Variants in MALRD1 observed in about 807,000 individuals in gnomAD.
MALRD1 encodes the protein MAM and LDL-receptor class A domain-containing protein 1.
A neutral mutation model predicts 242.1 loss-of-function variants in MALRD1; 247 were observed. That is an observed-to-expected ratio of 1.02 (90% confidence interval 0.92 to 1.13). The LOEUF (loss-of-function observed/expected upper bound fraction) is 1.13. Among genes scored for constraint, MALRD1 ranks in the 50% most tolerant of loss-of-function variants. The pLI, the probability that MALRD1 is intolerant of heterozygous loss-of-function variation, is 0.00. For synonymous variants in MALRD1, 995 were observed against 866.6 expected, an observed-to-expected ratio of 1.15 and a Z score of -2.60; for missense variants, 2,989 against 2,533.1, an observed-to-expected ratio of 1.18 and a Z score of -3.86.
intron 21 of MALRD1, among the ~76,000 whole-genome samples, chr10:19,289,862 C>A (rs1486627445): frequency 1.3e-5 from 2 of 152,076 alleles, no homozygotes; most frequent in African/African-American, 4.8e-5. Context: ...AATTGGAAGG[C>A]TTTCTGTCAA....
intron 13 of MALRD1, among the ~76,000 whole-genome samples, chr10:19,172,673 T>TC (rs1835064279): frequency 6.6e-6 from 1 of 151,586 alleles, no homozygotes; most frequent in African/African-American, 2.4e-5. Context: ...TCGTTTTTTT[T>TC]CCTCCAGTTT....
At chr10:19,551,355 A>C (rs1835461352) in intron 32 of MALRD1, among the ~76,000 whole-genome samples, 1 of 151,814 alleles carries the variant, frequency 6.6e-6, no homozygotes, top group Non-Finnish European at 1.5e-5. Flanking sequence ...TATTTTATTC[A>C]TTTGTTGCTA....
intron 36 of MALRD1, among the ~76,000 whole-genome samples, chr10:19,624,068 C>T (rs765416564): frequency 7.9e-5 from 12 of 152,098 alleles, no homozygotes; most frequent in African/African-American, 1.2e-4. Context: ...ATTGCTAATG[C>T]GAATTGGTGT....
At chr10:19,472,132 A>G (rs1349725583) in intron 29 of MALRD1, among the ~76,000 whole-genome samples, 1 of 152,034 alleles carries the variant, frequency 6.6e-6, no homozygotes, top group Admixed American at 6.5e-5. Flanking sequence ...AATTTGTCAA[A>G]TGCTTTTTCT....
intron 32 of MALRD1, 120 bp from the exon 33 acceptor site, chr10:19,567,382 C>A: frequency 1.2e-6 from 1 of 842,740 alleles, no homozygotes; most frequent in Non-Finnish European, 1.8e-6. Flanking sequence ...ATAGAAAATA[C>A]AATAGTCAAT....
intron 8 of MALRD1, among the ~76,000 whole-genome samples, chr10:19,132,440 G>A (rs1168428569): frequency 1.3e-5 from 2 of 152,218 alleles, no homozygotes; most frequent in African/African-American, 4.8e-5. Flanking sequence ...AAGTAATGAA[G>A]TAAATTGTAA....
chr10:19,140,543 A>ATGTGTGTGTGTGTGTGTG (rs34024633), intron 10 of MALRD1, among the ~76,000 whole-genome samples: 42 of 147,082 alleles, frequency 2.9e-4, no homozygotes, highest in Admixed American at 1.4e-3. Context: ...GTGTGTGTGT[A>ATGTGTGTGTGTGTGTGTG]TGTGTGTGTG....
chr10:19,278,016 C>T (rs149943495), intron 19 of MALRD1, among the ~76,000 whole-genome samples: 6 of 152,262 alleles, frequency 3.9e-5, no homozygotes, highest in East Asian at 1.9e-4. Flanking sequence ...TTGAAATAGA[C>T]ATTTTATATC....
In MALRD1 at chr10:19,469,660, A is replaced by G. The variant is rs79247776; in HGVS notation, c.5029+19170A>G. On this transcript the variant is annotated intron_variant, in intron 29 of 39. Coordinates refer to ENST00000454679, the MANE Select transcript of MALRD1 (RefSeq NM_001142308.3). ...TCCACACAGAATTGGGATGTTTGCT[A>G]AGATTGGAGTTTTGCTATTGCATTG... Among the ~76,000 whole-genome samples the G allele has an allele frequency of 2.1e-3, 318 of 152,264 alleles. 1 individual carries two copies. Among genetic ancestry groups the G allele is most frequent in the African/African-American group, 7.4e-3 (308 of 41,574 alleles).
intron 24 of MALRD1, among the ~76,000 whole-genome samples, chr10:19,347,424 A>G (rs1844181654): frequency 1.3e-5 from 2 of 152,186 alleles, no homozygotes; most frequent in African/African-American, 4.8e-5. Flanking sequence ...AGAATAATAA[A>G]CTTAATAAAT....
intron 21 of MALRD1, among the ~76,000 whole-genome samples, chr10:19,309,299 AC>A (rs1842335922): frequency 6.6e-6 from 1 of 151,458 alleles, no homozygotes; most frequent in African/African-American, 2.4e-5. Context: ...AACAACACTC[AC>A]CAATATTTAA....
At chr10:19,125,306 CTTCCTTCCTTCCTTCCTTCT>C (rs1837225827) in intron 7 of MALRD1, among the ~76,000 whole-genome samples, 3 of 64,730 alleles carry the variant, frequency 4.6e-5, no homozygotes, top group African/African-American at 1.5e-4. Context: ...TCCTTCCTTC[CTTCCTTCCTTCCTTCCTTCT>C]TTCTTTCTTT....
At chr10:19,343,002 T>C (rs566161875) in intron 24 of MALRD1, among the ~76,000 whole-genome samples, 38 of 152,224 alleles carry the variant, frequency 2.5e-4, no homozygotes, top group African/African-American at 9.1e-4. Context: ...GCCTTATGAA[T>C]TTTCAAAAGG....
chr10:19,327,467 C>G, intron 22 of MALRD1, 96 bp from the exon 23 acceptor site: 1 of 879,886 alleles, frequency 1.1e-6, no homozygotes, highest in South Asian at 1.7e-5. Flanking sequence ...GTTGATATTG[C>G]AACTAAAAAA....
chr10:19,463,637 A>G (rs1038686420), intron 29 of MALRD1, among the ~76,000 whole-genome samples: 2 of 151,784 alleles, frequency 1.3e-5, no homozygotes, highest in Admixed American at 6.6e-5. Flanking sequence ...GCATTTGGTT[A>G]CATATTTTTG....
intron 4 of MALRD1, among the ~76,000 whole-genome samples, chr10:19,095,680 C>T (rs1241548032): frequency 1.3e-5 from 2 of 152,094 alleles, no homozygotes; most frequent in African/African-American, 2.4e-5. Flanking sequence ...CTGTGACTTT[C>T]AAGGGTTGTG....
chr10:19,607,329 G>A (rs1185946509), intron 34 of MALRD1, among the ~76,000 whole-genome samples: 3 of 152,120 alleles, frequency 2.0e-5, no homozygotes, highest in African/African-American at 4.8e-5. Context: ...GTGTAGGCAG[G>A]TTTGGTGTCT....
chr10:19,073,294 T>C (rs1835213200), intron 2 of MALRD1, among the ~76,000 whole-genome samples: 4 of 152,132 alleles, frequency 2.6e-5, no homozygotes, highest in African/African-American at 7.2e-5. Context: ...TAAATGTATA[T>C]TTATGTTGTT....
chr10:19,593,608 A>G (rs1463029122), intron 33 of MALRD1, among the ~76,000 whole-genome samples: 1 of 152,192 alleles, frequency 6.6e-6, no homozygotes, highest in Non-Finnish European at 1.5e-5. Flanking sequence ...GCACAGAGAC[A>G]ATACAAAGTG....
Sources: allele counts gnomAD v4.1 joint callset (sites outside exome capture counted in the v4.1 genomes callset), GRCh38; gene constraint gnomAD v4.1.1; transcripts MANE v1.5; gene names NCBI Gene and HGNC (gene_info 2026-07-23, HGNC 2026-07-21).